ZFYVE1: variants seen among roughly 807,000 people sequenced by gnomAD.
ZFYVE1 encodes the protein zinc finger FYVE domain-containing protein 1.
ZFYVE1 carries 30 observed loss-of-function variants against 74.4 expected under a neutral mutation model. That is an observed-to-expected ratio of 0.40 (90% confidence interval 0.30 to 0.55). The LOEUF is 0.55. ZFYVE1 is among the 20% of genes least tolerant of loss of function. ZFYVE1 has a pLI of 0.42. For missense variants in ZFYVE1, 703 were observed against 1,011.6 expected, an observed-to-expected ratio of 0.69 and a Z score of 4.14; for synonymous variants, 335 against 385.1, an observed-to-expected ratio of 0.87 and a Z score of 1.52.
chr14:73,000,849 T>C (rs939076778), intron 2 of ZFYVE1, among the ~76,000 whole-genome samples: 2 of 152,196 alleles, frequency 1.3e-5, no homozygotes, highest in Non-Finnish European at 2.9e-5. Flanking sequence ...CATCCACTGA[T>C]AAAATGTGGT....
intron 2 of ZFYVE1, among the ~76,000 whole-genome samples, chr14:73,004,298 T>C (rs1893933256): frequency 6.6e-6 from 1 of 152,094 alleles, no homozygotes; most frequent in African/African-American, 2.4e-5. Flanking sequence ...CCTAGGGATT[T>C]TCTCCCCATG....
At chr14:72,973,097 C>T (rs1025207338) in intron 11 of ZFYVE1, among the ~76,000 whole-genome samples, 6 of 152,218 alleles carry the variant, frequency 3.9e-5, no homozygotes, top group African/African-American at 1.4e-4. Context: ...ATCTTTGACA[C>T]TCCTGCCCCC....
At chr14:73,003,902 C>T (rs1033752505) in intron 2 of ZFYVE1, among the ~76,000 whole-genome samples, 1 of 152,170 alleles carries the variant, frequency 6.6e-6, no homozygotes, top group Non-Finnish European at 1.5e-5. Context: ...CAGGACACCG[C>T]CTGGCACACA....
At chr14:72,988,427 A>G (rs61986506) in intron 4 of ZFYVE1, among the ~76,000 whole-genome samples, 74,847 of 151,478 alleles carry the variant, frequency 0.49, 19,062 homozygotes, top group African/African-American at 0.59. Context: ...TGCCTGCTTC[A>G]GCCTCCCAAA....
chr14:72,991,311 T>A (rs1893606637), intron 4 of ZFYVE1, among the ~76,000 whole-genome samples: 1 of 148,898 alleles, frequency 6.7e-6, no homozygotes, highest in South Asian at 2.2e-4. Context: ...TGCCTCAGCC[T>A]CCCAAGTAGC....
intron 8 of ZFYVE1, among the ~76,000 whole-genome samples, chr14:72,977,721 G>C (rs528269598): frequency 1.3e-5 from 2 of 152,080 alleles, no homozygotes; most frequent in African/African-American, 4.8e-5. Context: ...TTCATTTAAA[G>C]TTGTACTTCT....
intron 3 of ZFYVE1, among the ~76,000 whole-genome samples, chr14:72,995,487 T>A (rs1464709692): frequency 1.1e-4 from 1 of 8,898 alleles, no homozygotes; most frequent in Non-Finnish European, 2.0e-4. Flanking sequence ...CCCGCCTCAA[T>A]GTCCCAAAGT....
At chr14:72,988,079 T>A (rs1047813723) in intron 4 of ZFYVE1, among the ~76,000 whole-genome samples, 1 of 151,902 alleles carries the variant, frequency 6.6e-6, no homozygotes, top group Non-Finnish European at 1.5e-5. Flanking sequence ...TCCCGGTCAA[T>A]AATAAACACA....
intron 4 of ZFYVE1, among the ~76,000 whole-genome samples, chr14:72,988,523 C>G (rs866075856): frequency 2.5e-4 from 38 of 150,946 alleles, no homozygotes; most frequent in African/African-American, 8.3e-4. Flanking sequence ...ATAGGCATTT[C>G]GGGCCTGGCA....
chr14:72,978,001 G>A lies in ZFYVE1; in HGVS notation c.1561C>T (p.Arg521Trp), dbSNP rs779467863. 2 of 1,614,130 alleles carry A rather than the reference G, an allele frequency of 1.2e-6. No individual in the cohort carries two copies. Among genetic ancestry groups the A allele is most frequent in the Admixed American group, 1.7e-5 (1 of 60,016 alleles). The change falls in exon 8 of 12, where the codon CGG becomes TGG. Residue 521 changes from arginine (R) to tryptophan (W), a missense_variant. By Grantham distance (101) the Arg-to-Trp change is moderately radical. This residue lies in a region of ZFYVE1 where 492 missense variants were observed against 790.0 expected (regional missense o/e 0.62). Coordinates refer to ENST00000556143, the MANE Select transcript of ZFYVE1 (RefSeq NM_021260.4). ...CPNCGVVYRS[R>W]QYWFGNQDPV... ...TCTTGGTTTCCAAACCAGTACTGCC[G>A]ACTACGATAGACCACGCCACAGTTA...
chr14:73,014,015 G>A (rs755971259), intron 2 of ZFYVE1, among the ~76,000 whole-genome samples: 1 of 152,146 alleles, frequency 6.6e-6, no homozygotes, highest in Non-Finnish European at 1.5e-5. Flanking sequence ...TAAGAAATAT[G>A]TCTATTATGT....
chr14:73,023,973 C>G, intron 2 of ZFYVE1, 53 bp downstream of exon 2: 1 of 1,568,006 alleles, frequency 6.4e-7, no homozygotes, highest in Non-Finnish European at 8.6e-7. Flanking sequence ...AGCTGGCTTC[C>G]AACAACAGAT....
chr14:72,974,271 C>T lies in ZFYVE1; in HGVS notation c.1988-78G>A, dbSNP rs1214274511. 1.2e-5 allele frequency: 16 copies of T among 1,350,040 alleles called. No individual in the cohort carries two copies. The East Asian group carries it at 1.4e-4, about 12-fold the overall frequency. The allele number at this position is 1,350,040 out of a possible 1,614,324, so 83.6% of individuals were successfully genotyped here. A position where few individuals can be genotyped will look rare whatever the true frequency, so the allele number is the denominator to read the frequency against. The stretch of plus-strand genomic sequence containing the variant: ...GAAAACTCAGGGACCAATAGCAGAA[C>T]GCTTCTGGATTCTGATCCCAGACAC... On this transcript the variant is annotated intron_variant, in intron 10 of 11. Coordinates refer to ENST00000556143, the MANE Select transcript of ZFYVE1 (RefSeq NM_021260.4).
rs767959161 is a variant in ZFYVE1, at chr14:72,998,003, G to A, written c.796C>T (p.Arg266Ter). 5.0e-6 allele frequency: 8 copies of A among 1,613,990 alleles called. No homozygotes were observed. The highest frequency in any genetic ancestry group is 1.7e-5 in the Admixed American group (1 of 59,984). Residue 266 changes from arginine to a stop codon, truncating the protein, a stop_gained, in exon 3 of 12, where the codon CGA (arginine) becomes TGA (stop). Transcript: ENST00000556143. LOFTEE classifies it high-confidence loss of function. Reference sequence around the variant, plus strand: ...TTATGCAGCCGGTCTGCATGAGTTCGATAGATGACGAGGTCTGAGATGGCC... The same window carrying A: ...TTATGCAGCCGGTCTGCATGAGTTCAATAGATGACGAGGTCTGAGATGGCC... ...VLAISDLVIYRTHADRLHNDL... is the reference protein window; with the variant it reads ...VLAISDLVIY
intron 4 of ZFYVE1, among the ~76,000 whole-genome samples, chr14:72,992,567 G>T (rs1306364489): frequency 7.1e-6 from 1 of 140,444 alleles, no homozygotes; most frequent in Non-Finnish European, 1.5e-5. Context: ...CTATTTTTGT[G>T]TTTTGTTTTG....
chr14:72,974,694 G>T, intron 10 of ZFYVE1, 85 bp downstream of exon 10: 1 of 1,480,852 alleles, frequency 6.8e-7, no homozygotes, highest in Non-Finnish European at 9.1e-7. Context: ...GTGGATTAGG[G>T]CATCTGGATA....
intron 11 of ZFYVE1, among the ~76,000 whole-genome samples, chr14:72,973,118 C>A (rs1229237754): frequency 6.6e-6 from 1 of 152,206 alleles, no homozygotes; most frequent in African/African-American, 2.4e-5. Flanking sequence ...TCCCTTGAAT[C>A]TAGACAAACC....
intron 2 of ZFYVE1, among the ~76,000 whole-genome samples, chr14:73,001,390 T>C (rs980109381): frequency 9.9e-5 from 15 of 152,162 alleles, no homozygotes; most frequent in African/African-American, 3.1e-4. Context: ...TTTCACATAC[T>C]TAACCTTAGA....
intron 2 of ZFYVE1, among the ~76,000 whole-genome samples, chr14:72,999,431 T>A (rs563349539): frequency 6.6e-6 from 1 of 151,996 alleles, no homozygotes; most frequent in African/African-American, 2.4e-5. Flanking sequence ...CCATTTCAAA[T>A]CAATAAATAA....
Sources: allele counts gnomAD v4.1 joint callset (sites outside exome capture counted in the v4.1 genomes callset), GRCh38; gene constraint gnomAD v4.1.1; regional missense constraint gnomAD v4.1.1; transcripts MANE v1.5; gene names NCBI Gene and HGNC (gene_info 2026-07-23, HGNC 2026-07-21).